The following ABTB3 variants were observed in gnomAD, a reference collection of about 807,000 sequenced individuals.
ABTB3 encodes the protein ankyrin repeat and BTB domain containing 3.
the ABTB3 span, among the ~76,000 whole-genome samples, chr12:107,593,895 G>T: frequency 6.6e-6 from 1 of 152,154 alleles, no homozygotes; most frequent in Non-Finnish European, 1.5e-5. Context: ...GATTGCACAC[G>T]TCACTTCCCC....
chr12:107,553,852 A>G, the ABTB3 span, among the ~76,000 whole-genome samples: 1 of 152,198 alleles, frequency 6.6e-6, no homozygotes, highest in African/African-American at 2.4e-5. Context: ...AGGCACAAGA[A>G]TCACTTGAAC....
the ABTB3 span, among the ~76,000 whole-genome samples, chr12:107,608,120 T>C: frequency 6.6e-6 from 1 of 152,186 alleles, no homozygotes; most frequent in Non-Finnish European, 1.5e-5. Flanking sequence ...CACACCTGCC[T>C]CTGGGCAAGG....
chr12:107,605,309 A>G, the ABTB3 span, among the ~76,000 whole-genome samples: 1 of 152,252 alleles, frequency 6.6e-6, no homozygotes, highest in Non-Finnish European at 1.5e-5. Context: ...TGCTATTGGA[A>G]GAAACAAACA....
the ABTB3 span, among the ~76,000 whole-genome samples, chr12:107,648,047 G>C: frequency 2.0e-5 from 3 of 152,146 alleles, no homozygotes; most frequent in African/African-American, 7.2e-5. Context: ...AGCTGCCTTA[G>C]AGCCAGGGAG....
the ABTB3 span, among the ~76,000 whole-genome samples, chr12:107,412,756 T>C: frequency 1.3e-5 from 2 of 151,956 alleles, no homozygotes; most frequent in Non-Finnish European, 1.5e-5. Flanking sequence ...GAACTCTGAA[T>C]TGAAGGATCT....
chr12:107,436,754 G>A, the ABTB3 span, among the ~76,000 whole-genome samples: 12 of 152,214 alleles, frequency 7.9e-5, no homozygotes, highest in East Asian at 1.9e-4. Context: ...GCTTATTAGC[G>A]CACAGCCGAG....
chr12:107,403,967 A>G, the ABTB3 span, among the ~76,000 whole-genome samples: 1 of 152,098 alleles, frequency 6.6e-6, no homozygotes, highest in African/African-American at 2.4e-5. Context: ...GTTCGAGACC[A>G]GCCTGGTCAA....
the ABTB3 span, among the ~76,000 whole-genome samples, chr12:107,481,883 G>GTCTCTCTCTCTCTCTCTCTCTCTCTCTC: frequency 9.2e-6 from 1 of 108,242 alleles, no homozygotes; most frequent in Non-Finnish European, 1.8e-5. Flanking sequence ...GAAATCAAGA[G>GTCTCTCTCTCTCTCTCTCTCTCTCTCTC]TCTCTCTCTC....
At chr12:107,466,361 A>G in the ABTB3 span, among the ~76,000 whole-genome samples, 3 of 152,118 alleles carry the variant, frequency 2.0e-5, no homozygotes, top group Admixed American at 6.5e-5. Context: ...ACCGTGAGGT[A>G]GGGGACCAGG....
At chr12:107,366,144 G>C in the ABTB3 span, among the ~76,000 whole-genome samples, 1 of 152,150 alleles carries the variant, frequency 6.6e-6, no homozygotes, top group African/African-American at 2.4e-5. Flanking sequence ...TTCCCAGCTG[G>C]TTGGTCCCTT....
chr12:107,467,291 G>C, the ABTB3 span, among the ~76,000 whole-genome samples: 3 of 152,134 alleles, frequency 2.0e-5, no homozygotes, highest in East Asian at 5.8e-4. Flanking sequence ...GGGCCCACAA[G>C]AAAACGGGCC....
chr12:107,519,002 A>G, the ABTB3 span, among the ~76,000 whole-genome samples: 3 of 152,192 alleles, frequency 2.0e-5, no homozygotes, highest in African/African-American at 7.2e-5. Flanking sequence ...TCTCTCCCTC[A>G]CTATATCCTC....
the ABTB3 span, among the ~76,000 whole-genome samples, chr12:107,517,971 TC>T: frequency 6.6e-6 from 1 of 152,134 alleles, no homozygotes. Context: ...AACAGACACT[TC>T]TCAAAAGAAG....
At chr12:107,612,331 T>C in the ABTB3 span, among the ~76,000 whole-genome samples, 1 of 152,218 alleles carries the variant, frequency 6.6e-6, no homozygotes, top group African/African-American at 2.4e-5. Flanking sequence ...AAGCATTCAA[T>C]TTCCTTGATG....
the ABTB3 span, among the ~76,000 whole-genome samples, chr12:107,596,981 A>G: frequency 6.6e-6 from 1 of 152,258 alleles, no homozygotes; most frequent in Non-Finnish European, 1.5e-5. Flanking sequence ...AGCTGGACAC[A>G]GCAGACACCT....
the ABTB3 span, among the ~76,000 whole-genome samples, chr12:107,407,709 T>G: frequency 1.3e-5 from 2 of 152,124 alleles, no homozygotes; most frequent in African/African-American, 4.8e-5. Context: ...GAGGCATGAG[T>G]GAAGCCAGGG....
At chr12:107,649,172 T>C in the ABTB3 span, 4 of 1,581,190 alleles carry the variant, frequency 2.5e-6, no homozygotes, top group Non-Finnish European at 3.5e-6. Context: ...GATGCGTCTT[T>C]GCTGTTGACA....
chr12:107,522,121 G>C, the ABTB3 span, among the ~76,000 whole-genome samples: 1 of 151,910 alleles, frequency 6.6e-6, no homozygotes, highest in African/African-American at 2.4e-5. Context: ...GGTGGGGGAA[G>C]GTATTCCTCT....
At chr12:107,413,146 C>A in the ABTB3 span, among the ~76,000 whole-genome samples, 1 of 151,564 alleles carries the variant, frequency 6.6e-6, no homozygotes, top group Non-Finnish European at 1.5e-5. Flanking sequence ...TGGTGGTGGG[C>A]GCCTGTAATC....
Sources: allele counts gnomAD v4.1 joint callset (sites outside exome capture counted in the v4.1 genomes callset), GRCh38; gene constraint gnomAD v4.1.1; transcripts MANE v1.5; gene names NCBI Gene and HGNC (gene_info 2026-07-23, HGNC 2026-07-21).